The following PPARGC1A variants were observed in gnomAD, a reference collection of about 807,000 sequenced individuals.
PPARGC1A encodes PPARG coactivator 1 alpha, also known as peroxisome proliferator-activated receptor gamma coactivator 1-alpha.
In PPARGC1A, 25 loss-of-function variants were observed where a neutral mutation model predicts 88.7. The ratio of observed to expected loss-of-function variants is 0.28; its 90% CI spans 0.21 to 0.39. The LOEUF (loss-of-function observed/expected upper bound fraction) is 0.39, where lower values mean the gene tolerates loss of function less well. PPARGC1A is among the 10% of genes least tolerant of loss of function. The pLI is 1.00. For synonymous variants in PPARGC1A, 363 were observed against 355.6 expected (o/e 1.02, Z -0.24); for missense variants, 880 against 968.7 (o/e 0.91, Z 1.22).
the PPARGC1A span, among the ~76,000 whole-genome samples, chr4:24,263,073 A>G: frequency 6.6e-6 from 1 of 152,216 alleles, no homozygotes; most frequent in Non-Finnish European, 1.5e-5. Flanking sequence ...ATGTGAGGAA[A>G]TTTTGGAAAA....
the PPARGC1A span, among the ~76,000 whole-genome samples, chr4:24,120,067 A>G: frequency 6.6e-6 from 1 of 152,206 alleles, no homozygotes; most frequent in East Asian, 1.9e-4. Flanking sequence ...AATGCCTGTG[A>G]TGTACAAGCA....
chr4:24,387,440 A>G, the PPARGC1A span, among the ~76,000 whole-genome samples: 1 of 152,096 alleles, frequency 6.6e-6, no homozygotes, highest in African/African-American at 2.4e-5. Flanking sequence ...AGAAACTATC[A>G]TCAGGTTGGG....
the PPARGC1A span, among the ~76,000 whole-genome samples, chr4:24,223,982 AG>A: frequency 6.6e-6 from 1 of 152,360 alleles, no homozygotes; most frequent in Middle Eastern, 3.4e-3. Flanking sequence ...ATAAGATGGA[AG>A]TCAAAAGTCA....
chr4:24,205,504 G>C, the PPARGC1A span, among the ~76,000 whole-genome samples: 2 of 152,122 alleles, frequency 1.3e-5, no homozygotes, highest in Non-Finnish European at 2.9e-5. Flanking sequence ...AAAGGTACAT[G>C]TTTACTATAA....
chr4:24,151,334 G>T, the PPARGC1A span, among the ~76,000 whole-genome samples: 1 of 152,298 alleles, frequency 6.6e-6, no homozygotes, highest in Admixed American at 6.5e-5. Flanking sequence ...TTCCTGGCTT[G>T]CAGGTAGCTG....
the PPARGC1A span, among the ~76,000 whole-genome samples, chr4:24,164,159 G>A: frequency 6.6e-6 from 1 of 152,220 alleles, no homozygotes; most frequent in South Asian, 2.1e-4. Context: ...GAAAGGAAAG[G>A]CAAATAAACT....
chr4:23,868,993 T>C (rs1712677598), intron 2 of PPARGC1A, among the ~76,000 whole-genome samples: 1 of 152,216 alleles, frequency 6.6e-6, no homozygotes, highest in Non-Finnish European at 1.5e-5. Flanking sequence ...TTCCACTGCT[T>C]GGTTTCATGG....
At chr4:23,977,696 TAAATAA>T in the PPARGC1A span, among the ~76,000 whole-genome samples, 1 of 152,012 alleles carries the variant, frequency 6.6e-6, no homozygotes, top group Admixed American at 6.6e-5. Context: ...AAAATTAAAT[TAAATAA>T]AAAGAGAAAG....
the PPARGC1A span, among the ~76,000 whole-genome samples, chr4:24,102,036 A>G: frequency 6.6e-6 from 1 of 152,138 alleles, no homozygotes; most frequent in Non-Finnish European, 1.5e-5. Context: ...TGGGCAGGAG[A>G]ATATGGCTGC....
At chr4:23,952,896 C>A in the PPARGC1A span, among the ~76,000 whole-genome samples, 1 of 152,104 alleles carries the variant, frequency 6.6e-6, no homozygotes, top group Admixed American at 6.6e-5. Flanking sequence ...CTCATTTAAA[C>A]AATCTGCATA....
chr4:24,415,724 A>G, the PPARGC1A span, among the ~76,000 whole-genome samples: 3 of 152,218 alleles, frequency 2.0e-5, no homozygotes, highest in Non-Finnish European at 4.4e-5. Flanking sequence ...TCTTAATTAC[A>G]TATTCAGAGA....
At chr4:24,275,224 G>A in the PPARGC1A span, among the ~76,000 whole-genome samples, 1 of 62,330 alleles carries the variant, frequency 1.6e-5, no homozygotes. Context: ...ATTTAAATAC[G>A]TTTACTTACA....
At chr4:24,100,861 A>G in the PPARGC1A span, among the ~76,000 whole-genome samples, 1 of 152,166 alleles carries the variant, frequency 6.6e-6, no homozygotes, top group African/African-American at 2.4e-5. Flanking sequence ...AGCTGAATTC[A>G]TACTTTCTAG....
At chr4:24,099,425 T>C in the PPARGC1A span, among the ~76,000 whole-genome samples, 2 of 152,138 alleles carry the variant, frequency 1.3e-5, no homozygotes, top group Non-Finnish European at 2.9e-5. Flanking sequence ...CTTTATCTTC[T>C]GACATTGTGT....
chr4:24,461,336 C>G, the PPARGC1A span, among the ~76,000 whole-genome samples: 10 of 152,208 alleles, frequency 6.6e-5, no homozygotes, highest in Admixed American at 2.6e-4. Context: ...TTTCTAAAGT[C>G]AAAACAATGA....
At chr4:23,899,932 G>A (rs75726412), upstream of PPARGC1A, among the ~76,000 whole-genome samples, 3,244 of 151,468 alleles carry the variant, frequency 0.021, 109 homozygotes, top group African/African-American at 0.075. Flanking sequence ...CATATACTTC[G>A]ATAACAAGTT....
At chr4:23,845,703 T>C (rs1728194802) in intron 2 of PPARGC1A, among the ~76,000 whole-genome samples, 1 of 152,158 alleles carries the variant, frequency 6.6e-6, no homozygotes, top group Non-Finnish European at 1.5e-5. Flanking sequence ...CGTATTCCAC[T>C]AAAGTGCTCT....
chr4:23,983,731 A>G, the PPARGC1A span, among the ~76,000 whole-genome samples: 1 of 152,034 alleles, frequency 6.6e-6, no homozygotes, highest in South Asian at 2.1e-4. Flanking sequence ...GGAGGGAGGA[A>G]GGGATCCTTC....
the PPARGC1A span, among the ~76,000 whole-genome samples, chr4:24,387,774 A>T: frequency 1.5e-5 from 1 of 66,082 alleles, no homozygotes; most frequent in African/African-American, 5.8e-5. Context: ...GAGAGAAAGA[A>T]AGAAAGAAAG....
Sources: allele counts gnomAD v4.1 joint callset (sites outside exome capture counted in the v4.1 genomes callset), GRCh38; gene constraint gnomAD v4.1.1; transcripts MANE v1.5; gene names NCBI Gene and HGNC (gene_info 2026-07-23, HGNC 2026-07-21).